Variants in GCNT4 observed in about 807,000 individuals in gnomAD.
GCNT4 encodes glucosaminyl (N-acetyl) transferase 4, also known as beta-1,3-galactosyl-O-glycosyl-glycoprotein beta-1,6-N-acetylglucosaminyltransferase 4.
GCNT4 carries 17 observed loss-of-function variants against 31.3 expected under a neutral mutation model. The observed-to-expected ratio is 0.54, with a 90% CI of 0.37 to 0.81. GCNT4 has a LOEUF of 0.81. GCNT4 is among the 40% of genes least tolerant of loss of function. The pLI is 0.00. For missense variants in GCNT4, 503 were observed against 525.5 expected, an observed-to-expected ratio of 0.96 and a Z score of 0.42; for synonymous variants, 158 against 190.6, an observed-to-expected ratio of 0.83 and a Z score of 1.41.
the GCNT4 span, among the ~76,000 whole-genome samples, chr5:75,018,883 C>T: frequency 1.4e-4 from 22 of 152,026 alleles, no homozygotes; most frequent in Non-Finnish European, 1.5e-5. Flanking sequence ...AAGAGAAGCA[C>T]CACAGGGAGG....
At chr5:75,035,756 G>A (rs1458921599) in intron 3 of GCNT4, among the ~76,000 whole-genome samples, 3 of 152,272 alleles carry the variant, frequency 2.0e-5, no homozygotes, top group South Asian at 2.1e-4. Flanking sequence ...TGGGCAGGCC[G>A]CCATCTTTGC....
intron 3 of GCNT4, among the ~76,000 whole-genome samples, chr5:75,046,130 C>A (rs1743432775): frequency 6.6e-6 from 1 of 152,138 alleles, no homozygotes; most frequent in Non-Finnish European, 1.5e-5. Flanking sequence ...AACTCTGCAA[C>A]CTAATTAGTG....
chr5:75,029,122 CA>C lies in GCNT4; in HGVS notation c.915del (p.Phe305LeufsTer3). The C allele has an allele frequency of 6.2e-7, 1 of 1,614,008 alleles. No individual in the cohort carries two copies. Among genetic ancestry groups the C allele is most frequent in the Non-Finnish European group, 8.5e-7 (1 of 1,179,976 alleles). Reference protein sequence around the residue: ...NIQIFVGSAYFVLSQAFVKYI... With the variant: ...NIQIFVGSAYXVLSQAFVKYI... The stretch of plus-strand genomic sequence containing the variant: ...TATTTAACAAATGCTTGACTTAAAA[CA>C]AAATAAGCACTGCCAACAAATATCT... On this transcript the variant is annotated frameshift_variant, in exon 4 of 4. Coordinates refer to ENST00000652361, the MANE Select transcript of GCNT4 (RefSeq NM_001366737.1). LOFTEE classifies it high-confidence loss of function.
Position 75,029,058 on chromosome 5 carries a change from C to T in GCNT4, c.980G>A (p.Trp327Ter). ...NNSIVQDFFA[W>*]SKDTYSPDEH... ...ATCAGGAGAGTATGTGTCTTTAGAC[C>T]AGGCAAAAAAGTCTTGAACGATGGA... Residue 327 changes from tryptophan to a stop codon, truncating the protein, a stop_gained, in exon 4 of 4, where the codon TGG becomes TAG. Transcript: ENST00000652361. LOFTEE classifies it high-confidence loss of function. The T allele has an allele frequency of 1.2e-6, 2 of 1,614,032 alleles. No homozygotes were observed.
rs1742999017 is a variant in GCNT4, at chr5:75,028,740, C to G, written c.1298G>C (p.Arg433Thr). 1 of 1,613,892 alleles carries G rather than the reference C, an allele frequency of 6.2e-7. No individual in the cohort carries two copies. The highest frequency in any genetic ancestry group is 8.5e-7 in the Non-Finnish European group (1 of 1,179,966). Residue 433 changes from arginine (R) to threonine (T), a missense_variant, in exon 4 of 4, where the codon AGA becomes ACA. Arg to Thr is a moderately conservative substitution (Grantham distance 71). Transcript: ENST00000652361. The part of the protein sequence containing the change: ...CLAEKLEEQQ[R>T]DWITLPSEKL... ...TTCTGAGGGCAAAGTGATCCAGTCTCTCTGCTGTTCTTCAAGCTTTTCTGC... is the reference window on the plus strand; with the variant it reads ...TTCTGAGGGCAAAGTGATCCAGTCTGTCTGCTGTTCTTCAAGCTTTTCTGC...
At chr5:75,033,041 G>A (rs943411768) in intron 3 of GCNT4, among the ~76,000 whole-genome samples, 11 of 152,172 alleles carry the variant, frequency 7.2e-5, no homozygotes, top group African/African-American at 2.4e-4. Context: ...TTAGTCCATG[G>A]AGTCTCTAAT....
intron 2 of GCNT4, among the ~76,000 whole-genome samples, chr5:75,050,033 T>C (rs1314620995): frequency 1.3e-5 from 2 of 152,194 alleles, no homozygotes; most frequent in African/African-American, 4.8e-5. Context: ...TTAGGTGTGG[T>C]GCCGTTTCAG....
At chr5:75,022,397 G>T (rs1236820700), downstream of GCNT4, among the ~76,000 whole-genome samples, 1 of 152,134 alleles carries the variant, frequency 6.6e-6, no homozygotes, top group Non-Finnish European at 1.5e-5. Flanking sequence ...GGATCAAGAG[G>T]TATGTATGCT....
intron 3 of GCNT4, among the ~76,000 whole-genome samples, chr5:75,040,944 G>GCTGT (rs1554062839): frequency 5.5e-4 from 84 of 151,802 alleles, no homozygotes; most frequent in African/African-American, 2.0e-3. Context: ...AATCTTTAGA[G>GCTGT]TTTTTTCCCC....
In GCNT4 at chr5:75,027,621, G is replaced by A. The variant is rs1451268660; in HGVS notation, c.*1055C>T. ...TTTATCACTTTAAATCTGGATTCCAGTTGGACAGTTGCCAGAGAAGAAAAA... is the reference window on the plus strand; with the variant it reads ...TTTATCACTTTAAATCTGGATTCCAATTGGACAGTTGCCAGAGAAGAAAAA... On this transcript the variant is annotated 3_prime_UTR_variant, in exon 4 of 4. Transcript: ENST00000652361. The A allele has an allele frequency of 6.6e-6, 1 of 151,990 alleles. No individual in the cohort carries two copies. The highest frequency in any genetic ancestry group is 1.5e-5 in the Non-Finnish European group (1 of 67,922). The allele number at this position is 151,990 out of a possible 1,614,324, so 9.4% of individuals were successfully genotyped here. A position where few individuals can be genotyped will look rare whatever the true frequency, so the allele number is the denominator to read the frequency against.
intron 3 of GCNT4, among the ~76,000 whole-genome samples, chr5:75,035,777 C>G (rs1743184663): frequency 6.6e-6 from 1 of 152,308 alleles, no homozygotes; most frequent in Admixed American, 6.5e-5. Context: ...TGTTTTGCAA[C>G]TTGACTGTTG....
intron 3 of GCNT4, among the ~76,000 whole-genome samples, chr5:75,037,918 G>GAAAAACAA: frequency 1.9e-5 from 2 of 102,946 alleles, no homozygotes; most frequent in Admixed American, 2.0e-4. Flanking sequence ...ACAAAAAACA[G>GAAAAACAA]AAAAACAAAA....
intron 2 of GCNT4, among the ~76,000 whole-genome samples, chr5:75,049,687 A>G (rs570432657): frequency 6.6e-5 from 10 of 152,214 alleles, no homozygotes; most frequent in African/African-American, 2.2e-4. Flanking sequence ...GCTTCACTAC[A>G]CTCTGGCAAG....
At chr5:75,020,251 G>A in the GCNT4 span, among the ~76,000 whole-genome samples, 1 of 152,226 alleles carries the variant, frequency 6.6e-6, no homozygotes, top group African/African-American at 2.4e-5. Flanking sequence ...CAGATGCTGT[G>A]CACGGGGCTC....
intron 3 of GCNT4, among the ~76,000 whole-genome samples, chr5:75,043,036 A>C (rs1743354559): frequency 6.6e-6 from 1 of 152,246 alleles, no homozygotes; most frequent in Non-Finnish European, 1.5e-5. Flanking sequence ...ATGATTCCAG[A>C]AAGCTCTCCA....
chr5:75,053,218 C>G (rs1743627014), upstream of GCNT4, among the ~76,000 whole-genome samples: 1 of 117,456 alleles, frequency 8.5e-6, no homozygotes, highest in Non-Finnish European at 1.6e-5. Context: ...TAGGCGCGCG[C>G]CGGGTCGCCC....
chr5:75,053,341 G>A (rs1743631934), upstream of GCNT4, among the ~76,000 whole-genome samples: 1 of 152,182 alleles, frequency 6.6e-6, no homozygotes, highest in Admixed American at 6.5e-5. Flanking sequence ...CTCCGAGAGG[G>A]CGCCCCCGCC....
At chr5:75,046,098 A>G (rs920813065) in intron 3 of GCNT4, among the ~76,000 whole-genome samples, 1 of 152,128 alleles carries the variant, frequency 6.6e-6, no homozygotes, top group Non-Finnish European at 1.5e-5. Flanking sequence ...CAATCATTCC[A>G]TTAATGTTTT....
intron 3 of GCNT4, among the ~76,000 whole-genome samples, chr5:75,035,571 A>G (rs1282788574): frequency 1.3e-5 from 2 of 152,220 alleles, no homozygotes; most frequent in Non-Finnish European, 2.9e-5. Context: ...CTTGTTAAAA[A>G]TGGGGCTGGA....
Sources: gnomAD v4.1 joint callset for allele counts (sites outside exome capture counted in the v4.1 genomes callset) on GRCh38, gnomAD v4.1.1 for gene constraint, MANE v1.5 for transcripts, NCBI Gene and HGNC (gene_info 2026-07-23, HGNC 2026-07-21) for gene names.